The following PRKCE variants were observed in gnomAD, a reference collection of about 807,000 sequenced individuals.
PRKCE encodes the protein protein kinase C epsilon type.
In PRKCE, 16 loss-of-function variants were observed where a neutral mutation model predicts 85.4. The observed-to-expected ratio is 0.19, with a 90% CI of 0.13 to 0.28. PRKCE has a LOEUF of 0.28. PRKCE is among the 10% of genes least tolerant of loss of function. The pLI is 1.00. For synonymous variants in PRKCE, 388 were observed against 371.5 expected (o/e 1.04, Z -0.51); for missense variants, 573 against 975.2 (o/e 0.59, Z 5.49).
At chr2:46,115,710 G>C (rs184970560) in intron 11 of PRKCE, among the ~76,000 whole-genome samples, 3 of 152,280 alleles carry the variant, frequency 2.0e-5, no homozygotes, top group East Asian at 3.9e-4. Context: ...CAGTGTTTTA[G>C]ATGGAAGCAA....
At chr2:46,179,847 C>CT (rs2104713115) in intron 14 of PRKCE, among the ~76,000 whole-genome samples, 1 of 152,308 alleles carries the variant, frequency 6.6e-6, no homozygotes, top group South Asian at 2.1e-4. Context: ...CCATCCCCCC[C>CT]AACTCCCTGC....
At chr2:45,728,547 T>C (rs1681283435) in intron 1 of PRKCE, among the ~76,000 whole-genome samples, 1 of 152,132 alleles carries the variant, frequency 6.6e-6, no homozygotes, top group African/African-American at 2.4e-5. Flanking sequence ...TATATTACAG[T>C]TGTAATGCCC....
intron 1 of PRKCE, among the ~76,000 whole-genome samples, chr2:45,718,899 T>C (rs775434120): frequency 6.6e-6 from 1 of 152,230 alleles, no homozygotes; most frequent in Non-Finnish European, 1.5e-5. Context: ...TATGGTCAAA[T>C]GAATTGGGGA....
intron 10 of PRKCE, among the ~76,000 whole-genome samples, chr2:46,067,627 T>G (rs1174373962): frequency 6.6e-6 from 1 of 152,230 alleles, no homozygotes; most frequent in Non-Finnish European, 1.5e-5. Context: ...AATGAGCACT[T>G]TATGTGTTGC....
intron 14 of PRKCE, among the ~76,000 whole-genome samples, chr2:46,176,184 G>T (rs1183797967): frequency 2.6e-5 from 4 of 152,138 alleles, no homozygotes; most frequent in Admixed American, 1.3e-4. Context: ...ACCACTAAGA[G>T]GAAATTGAAA....
chr2:46,187,980 G>A lies in PRKCE; in HGVS notation c.*3099G>A, dbSNP rs563948212. 6.5e-6 allele frequency: 1 copy of A among 152,726 alleles called. No homozygotes were observed. The highest frequency in any genetic ancestry group is 1.9e-4 in the East Asian group (1 of 5,192). 9.5% of individuals were successfully genotyped at this position (152,726 alleles called of 1,614,324 possible). The stretch of plus-strand genomic sequence containing the variant: ...TTCAGAACCTAATAAATACAATGAC[G>A]TTAAGTCTTATTTTCAGTGCCAATA... On this transcript the variant is annotated 3_prime_UTR_variant, in exon 15 of 15. Coordinates refer to ENST00000306156, the MANE Select transcript of PRKCE (RefSeq NM_005400.3).
At chr2:45,983,812 A>C (rs1703087551) in intron 5 of PRKCE, among the ~76,000 whole-genome samples, 1 of 152,066 alleles carries the variant, frequency 6.6e-6, no homozygotes, top group African/African-American at 2.4e-5. Context: ...TGACTGATCC[A>C]CAGTTTCCAC....
intron 1 of PRKCE, among the ~76,000 whole-genome samples, chr2:45,808,888 G>T (rs1482790400): frequency 6.6e-6 from 1 of 152,064 alleles, no homozygotes; most frequent in African/African-American, 2.4e-5. Context: ...ACCTGGGATG[G>T]GCATGAACAG....
At chr2:46,106,704 T>C (rs187217076) in intron 11 of PRKCE, among the ~76,000 whole-genome samples, 1 of 152,340 alleles carries the variant, frequency 6.6e-6, no homozygotes, top group African/African-American at 2.4e-5. Flanking sequence ...TGTCCACTTC[T>C]TATCAGGACA....
chr2:46,161,588 G>C lies in PRKCE; in HGVS notation c.2067+1836G>C, dbSNP rs184355793. Among the ~76,000 whole-genome samples the C allele has an allele frequency of 2.7e-3, 408 of 152,172 alleles. 1 individual carries two copies. The highest frequency in any genetic ancestry group is 9.4e-3 in the African/African-American group (392 of 41,518). ...AGCCCCTTCCTGCTTGGGGAAGAGTGGGGAGGACAAGTGAAGCCCAGGGGG... is the reference window on the plus strand; with the variant it reads ...AGCCCCTTCCTGCTTGGGGAAGAGTCGGGAGGACAAGTGAAGCCCAGGGGG... On this transcript the variant is annotated intron_variant, in intron 14 of 14. Transcript: ENST00000306156.
At chr2:45,882,259 C>G (rs528463267) in intron 2 of PRKCE, among the ~76,000 whole-genome samples, 31 of 152,254 alleles carry the variant, frequency 2.0e-4, no homozygotes, top group Admixed American at 1.8e-3. Context: ...GTTACAGCAC[C>G]TTTGTTTTCA....
At chr2:46,157,287 A>C (rs552648339) in intron 13 of PRKCE, among the ~76,000 whole-genome samples, 1 of 152,256 alleles carries the variant, frequency 6.6e-6, no homozygotes, top group African/African-American at 2.4e-5. Context: ...CCACCATCCC[A>C]GGCCCCAACA....
chr2:46,005,491 G>C (rs1273154650), intron 8 of PRKCE, among the ~76,000 whole-genome samples: 1 of 152,124 alleles, frequency 6.6e-6, no homozygotes, highest in Non-Finnish European at 1.5e-5. Context: ...CTCTATGTTG[G>C]TGCTTCATTA....
At chr2:46,142,384 G>C (rs975387844) in intron 11 of PRKCE, among the ~76,000 whole-genome samples, 1 of 152,158 alleles carries the variant, frequency 6.6e-6, no homozygotes, top group African/African-American at 2.4e-5. Context: ...GAAGTCTTTG[G>C]ACCCACTCTT....
At chr2:45,759,668 C>T (rs548468009) in intron 1 of PRKCE, among the ~76,000 whole-genome samples, 13 of 152,276 alleles carry the variant, frequency 8.5e-5, no homozygotes, top group East Asian at 1.9e-4. Flanking sequence ...AGAAGTGCCT[C>T]GGTTATGATC....
chr2:45,855,258 A>G (rs1558756001), intron 2 of PRKCE, among the ~76,000 whole-genome samples: 1 of 152,242 alleles, frequency 6.6e-6, no homozygotes, highest in Non-Finnish European at 1.5e-5. Flanking sequence ...TTAAAAATCC[A>G]AGGCTTACAC....
At chr2:45,899,527 G>T (rs1696413671) in intron 2 of PRKCE, among the ~76,000 whole-genome samples, 1 of 152,030 alleles carries the variant, frequency 6.6e-6, no homozygotes, top group Non-Finnish European at 1.5e-5. Context: ...GACCACAGGT[G>T]AGCCCCACCA....
At chr2:46,129,868 T>C (rs529460497) in intron 11 of PRKCE, among the ~76,000 whole-genome samples, 1 of 152,388 alleles carries the variant, frequency 6.6e-6, no homozygotes, top group African/African-American at 2.4e-5. Flanking sequence ...TTTATACTTA[T>C]GCCCTGCAGT....
intron 6 of PRKCE, among the ~76,000 whole-genome samples, chr2:45,995,647 G>T (rs1307997289): frequency 6.6e-6 from 1 of 152,142 alleles, no homozygotes; most frequent in Non-Finnish European, 1.5e-5. Flanking sequence ...AAGATCAGTT[G>T]GCTGTATTTG....
Sources: gnomAD v4.1 joint callset for allele counts (sites outside exome capture counted in the v4.1 genomes callset) on GRCh38, gnomAD v4.1.1 for gene constraint, MANE v1.5 for transcripts, NCBI Gene and HGNC (gene_info 2026-07-23, HGNC 2026-07-21) for gene names.